MID1: variants seen among roughly 807,000 people sequenced by gnomAD.
MID1 encodes E3 ubiquitin-protein ligase Midline-1.
MID1 carries 7 observed loss-of-function variants against 40.4 expected under a neutral mutation model. That is an observed-to-expected ratio of 0.17 (90% CI 0.10 to 0.33). MID1 has a LOEUF of 0.33. MID1 is among the 10% of genes least tolerant of loss of function. MID1 has a pLI of 1.00. For missense variants in MID1, 367 were observed against 558.5 expected (o/e 0.66, Z 3.46); for synonymous variants, 229 against 221.2 (o/e 1.04, Z -0.31).
chrX:10,757,992 G>C (rs766290858), intron 1 of MID1, among the ~76,000 whole-genome samples: 2 of 110,175 alleles, frequency 1.8e-5, no homozygotes, highest in Non-Finnish European at 3.8e-5. Context: ...TTGAGACAGG[G>C]TCTTACTCTG....
At chrX:10,686,899 C>T (rs187077623) in intron 1 of MID1, among the ~76,000 whole-genome samples, 71 of 111,692 alleles carry the variant, frequency 6.4e-4, no homozygotes, top group Non-Finnish European at 1.7e-4. Flanking sequence ...AAGCAGGGGA[C>T]ATTGGGTGAA....
chrX:10,577,958 T>G (rs751151779), intron 1 of MID1, among the ~76,000 whole-genome samples: 1 of 111,926 alleles, frequency 8.9e-6, no homozygotes, highest in South Asian at 3.7e-4. Context: ...CACAATTCAA[T>G]TCATAATCCA....
At chrX:10,546,411 C>A (rs7063844) in intron 2 of MID1, among the ~76,000 whole-genome samples, 10,957 of 111,688 alleles carry the variant, frequency 0.098, 884 homozygotes, top group African/African-American at 0.27. Context: ...CAATAAGTCG[C>A]TGGCATTTAA....
At chrX:10,689,519 A>G (rs755339657) in intron 1 of MID1, among the ~76,000 whole-genome samples, 62 of 111,713 alleles carry the variant, frequency 5.5e-4, no homozygotes, top group African/African-American at 1.9e-3. Flanking sequence ...AAGCCAAACC[A>G]TATAAATATC....
intron 1 of MID1, among the ~76,000 whole-genome samples, chrX:10,726,818 G>A (rs1466754628): frequency 8.9e-6 from 1 of 112,759 alleles, no homozygotes; most frequent in Non-Finnish European, 1.9e-5. Flanking sequence ...ACTGTGGTTA[G>A]TGTGGGCCAA....
rs1165201220 is a variant in MID1 at position 10,476,726 on chromosome X, T to C, written c.1014-1976A>G. Among the ~76,000 whole-genome samples, 4 of 111,514 alleles carry C rather than the reference T, an allele frequency of 3.6e-5. No homozygotes were observed. The Admixed American group carries it at 3.8e-4, about 11-fold the overall frequency. On this transcript the variant is annotated intron_variant, in intron 5 of 9. Coordinates refer to ENST00000317552, the MANE Select transcript of MID1 (RefSeq NM_000381.4). ...AGTGTCTGAATGAGGGTAGAGAATC[T>C]AACTGCATCTCCTGACCCTTTCACC... is the stretch of plus-strand genomic sequence containing the variant.
chrX:10,614,096 G>A (rs1935799979), intron 1 of MID1, among the ~76,000 whole-genome samples: 1 of 110,522 alleles, frequency 9.0e-6, no homozygotes, highest in Admixed American at 9.7e-5. Context: ...TCTTGCTCTG[G>A]AGTAACTCAG....
intron 1 of MID1, among the ~76,000 whole-genome samples, chrX:10,704,718 A>G (rs751920715): frequency 1.1e-3 from 87 of 76,811 alleles, no homozygotes; most frequent in South Asian, 1.9e-3. Context: ...GTGTGTGTGT[A>G]TATATATATA....
intron 1 of MID1, among the ~76,000 whole-genome samples, chrX:10,828,565 G>T (rs1466191368): frequency 8.9e-6 from 1 of 112,143 alleles, no homozygotes; most frequent in African/African-American, 3.2e-5. Flanking sequence ...ACATTGAGAA[G>T]ACGTAGATTG....
At position 10,714,577 on chromosome X, in the gene MID1, G is replaced by T. The variant is rs183504136; in HGVS notation, c.-186-94158C>A. ...GATCTACTTTTGTTAATCGAATCTG[G>T]AACATTTTAATATGCTTTGCATTTC... On this transcript the variant is annotated intron_variant, in intron 1 of 10. Transcript: ENST00000380785. 2.2e-3 allele frequency among the ~76,000 whole-genome samples: 243 copies of T among 112,665 alleles called. 1 individual carries two copies. The highest frequency in any genetic ancestry group is 7.4e-3 in the African/African-American group (231 of 31,038).
At chrX:10,823,369 C>T (rs948769610) in intron 1 of MID1, among the ~76,000 whole-genome samples, 1 of 111,155 alleles carries the variant, frequency 9.0e-6, no homozygotes, top group Non-Finnish European at 1.9e-5. Context: ...CTAATGCATG[C>T]TGGGCTTAAT....
At chrX:10,720,912 G>A (rs1172157449) in intron 1 of MID1, among the ~76,000 whole-genome samples, 4 of 109,433 alleles carry the variant, frequency 3.7e-5, no homozygotes, top group Non-Finnish European at 7.6e-5. Flanking sequence ...CATGGATGAA[G>A]CTGGAAACCA....
chrX:10,719,494 T>C (rs1213037944), intron 1 of MID1, among the ~76,000 whole-genome samples: 26 of 111,023 alleles, frequency 2.3e-4, no homozygotes, highest in Non-Finnish European at 3.6e-4. Flanking sequence ...TTACAAGGGA[T>C]GTGAAGGACC....
chrX:10,506,330 G>C, intron 3 of MID1: 2 of 1,082,697 alleles, frequency 1.8e-6, no homozygotes, highest in Non-Finnish European at 2.4e-6. Context: ...AGACAAGAAT[G>C]GATGGTCAAA....
At chrX:10,711,765 C>A (rs181327806) in intron 1 of MID1, among the ~76,000 whole-genome samples, 2 of 112,560 alleles carry the variant, frequency 1.8e-5, no homozygotes, top group African/African-American at 6.5e-5. Flanking sequence ...CATGTTCTTA[C>A]GAATGTATCT....
Position 10,495,690 on chromosome X carries a change from A to C in MID1, c.758T>G (p.Val253Gly). The change falls in exon 4 of 10, where the codon GTC (valine) becomes GGC (glycine). Residue 253 changes from valine (V) to glycine (G), a missense_variant and splice_region_variant. This residue lies in a region of MID1 where 275 missense variants were observed against 383.1 expected (regional missense o/e 0.72). Coordinates refer to ENST00000317552, the MANE Select transcript of MID1 (RefSeq NM_000381.4). ...KLIQTCQHVE[V>G]NASRQEAKLT... Reference sequence around the variant, plus strand: ...TTTGGCTTCTTGACGTGATGCATTGACCTACAGGATAAGTACAATGGTAAG... The same window carrying C: ...TTTGGCTTCTTGACGTGATGCATTGCCCTACAGGATAAGTACAATGGTAAG... The C allele has an allele frequency of 2.5e-6, 3 of 1,177,033 alleles. No homozygotes were observed. Among genetic ancestry groups the C allele is most frequent in the Non-Finnish European group, 3.5e-6 (3 of 864,093 alleles).
intron 1 of MID1, among the ~76,000 whole-genome samples, chrX:10,672,596 A>C (rs1042637288): frequency 8.9e-6 from 1 of 111,862 alleles, no homozygotes; most frequent in Non-Finnish European, 1.9e-5. Flanking sequence ...AGCAGGGAAC[A>C]GATTCTTGTC....
chrX:10,602,321 A>C (rs963844659), intron 1 of MID1, among the ~76,000 whole-genome samples: 4 of 107,234 alleles, frequency 3.7e-5, no homozygotes, highest in Non-Finnish European at 7.6e-5. Flanking sequence ...AGCTTTATTG[A>C]GATACAATTC....
chrX:10,655,984 T>C (rs1372134978), intron 1 of MID1, among the ~76,000 whole-genome samples: 1 of 111,837 alleles, frequency 8.9e-6, no homozygotes, highest in Non-Finnish European at 1.9e-5. Context: ...GAATCATAGC[T>C]AAAGATTATT....
Sources: allele counts gnomAD v4.1 joint callset (sites outside exome capture counted in the v4.1 genomes callset), GRCh38; gene constraint gnomAD v4.1.1; regional missense constraint gnomAD v4.1.1; transcripts MANE v1.5; gene names NCBI Gene and HGNC (gene_info 2026-07-23, HGNC 2026-07-21).